The following CCDC171 variants were observed in gnomAD, a reference collection of about 807,000 sequenced individuals.
CCDC171 encodes the protein coiled-coil domain containing 171.
A neutral mutation model predicts 168.2 loss-of-function variants in CCDC171; 177 were observed. The ratio of observed to expected loss-of-function variants is 1.05; its 90% CI spans 0.93 to 1.19. CCDC171 has a LOEUF of 1.19. Among genes scored for constraint, CCDC171 ranks in the 50% most tolerant of loss-of-function variants. CCDC171 has a pLI of 0.00. For synonymous variants in CCDC171, 687 were observed against 540.8 expected (o/e 1.27, Z -3.75); for missense variants, 1,991 against 1,539.0 (o/e 1.29, Z -4.91).
At chr9:15,671,818 T>C (rs2049134906) in intron 9 of CCDC171, among the ~76,000 whole-genome samples, 1 of 152,224 alleles carries the variant, frequency 6.6e-6, no homozygotes, top group Non-Finnish European at 1.5e-5. Context: ...AACATACATG[T>C]GCATGTGTCT....
intron 23 of CCDC171, among the ~76,000 whole-genome samples, chr9:15,870,124 A>G (rs1412868217): frequency 1.6e-5 from 1 of 63,260 alleles, no homozygotes; most frequent in Non-Finnish European, 5.0e-5. Flanking sequence ...TTTATTTATA[A>G]TAGACAGTGG....
intron 3 of CCDC171, among the ~76,000 whole-genome samples, chr9:16,003,885 A>G (rs944015041): frequency 7.2e-5 from 11 of 152,230 alleles, no homozygotes; most frequent in Admixed American, 2.0e-4. Flanking sequence ...CTGTGGAGCC[A>G]GGTCCTGTGG....
At position 15,581,945 on chromosome 9, in the gene CCDC171, CT is replaced by C. The variant is rs2041156124; in HGVS notation, c.352+2923del. ...AATAGACAAATGGGATCTAATTAAA[CT>C]AAAGAGCTTCTGCACAGCAAAAGAA... On this transcript the variant is annotated intron_variant, in intron 4 of 25. Transcript: ENST00000380701. Among the ~76,000 whole-genome samples the C allele has an allele frequency of 2.0e-5, 3 of 152,270 alleles. No homozygotes were observed. The South Asian group carries it at 6.2e-4, about 32-fold the overall frequency.
chr9:16,039,469 T>C (rs564341494), upstream of CCDC171, among the ~76,000 whole-genome samples: 25 of 152,334 alleles, frequency 1.6e-4, no homozygotes, highest in African/African-American at 6.0e-4. Context: ...GTAGGCTAAA[T>C]GGCTGTCACA....
chr9:16,036,746 A>C (rs532651414), intron 8 of CCDC171, among the ~76,000 whole-genome samples: 13 of 152,376 alleles, frequency 8.5e-5, no homozygotes, highest in African/African-American at 2.9e-4. Flanking sequence ...CCAATGCCTT[A>C]CTTGGGTTTG....
At chr9:15,640,716 G>A (rs2046542038) in intron 7 of CCDC171, among the ~76,000 whole-genome samples, 1 of 152,088 alleles carries the variant, frequency 6.6e-6, no homozygotes, top group South Asian at 2.1e-4. Flanking sequence ...ATGATAAATA[G>A]TAAAGGGCTT....
chr9:15,782,493 A>G (rs1055672054), intron 20 of CCDC171, among the ~76,000 whole-genome samples: 23 of 152,200 alleles, frequency 1.5e-4, no homozygotes, highest in Non-Finnish European at 1.0e-4. Context: ...GGTAAAGGGG[A>G]AATTTTGGAG....
intron 24 of CCDC171, among the ~76,000 whole-genome samples, chr9:15,880,187 C>G (rs963598301): frequency 1.3e-5 from 2 of 152,096 alleles, no homozygotes; most frequent in African/African-American, 4.8e-5. Context: ...CTTTCTAAGT[C>G]CATGACTGTG....
intron 6 of CCDC171, among the ~76,000 whole-genome samples, chr9:15,617,811 G>T (rs1398707976): frequency 6.6e-6 from 1 of 152,192 alleles, no homozygotes; most frequent in African/African-American, 2.4e-5. Context: ...TGTAGGCCCT[G>T]TTTGCCTGGG....
In CCDC171 at chr9:15,948,197, T is replaced by G. The variant is rs1481746761; in HGVS notation, c.3754-23412T>G. On this transcript the variant is annotated intron_variant, in intron 25 of 25. Coordinates refer to ENST00000380701, the MANE Select transcript of CCDC171 (RefSeq NM_173550.4). ...TGCATAGTATTCCATGGTGCATATG[T>G]GCCACATTTTCTTAATCCAGTCTAT... 2.6e-5 allele frequency among the ~76,000 whole-genome samples: 4 copies of G among 151,384 alleles called. No homozygotes were observed. The Admixed American group carries it at 2.6e-4, about 10-fold the overall frequency.
chr9:16,084,001 C>A, the CCDC171 span, among the ~76,000 whole-genome samples: 20 of 152,190 alleles, frequency 1.3e-4, no homozygotes, highest in Admixed American at 8.5e-4. Context: ...ACTAAAGACA[C>A]TGAAACATGG....
At chr9:15,838,643 G>A (rs1250528397) in intron 21 of CCDC171, among the ~76,000 whole-genome samples, 1 of 152,266 alleles carries the variant, frequency 6.6e-6, no homozygotes, top group East Asian at 1.9e-4. Context: ...TTTTGCCCAG[G>A]CTGGTCTTGA....
rs950323228 is a variant in CCDC171, at chr9:15,690,387, G to A, written c.1216-4848G>A. 2.6e-5 allele frequency among the ~76,000 whole-genome samples: 4 copies of A among 152,176 alleles called. No individual in the cohort carries two copies. In the East Asian group the frequency reaches 7.7e-4, roughly 29 times the overall value. On this transcript the variant is annotated intron_variant, in intron 10 of 25. Transcript: ENST00000380701. The stretch of plus-strand genomic sequence containing the variant: ...GGAGTTCAAAAATGGCTATCAGTAT[G>A]TATGAGAATTTAGTATATGATAATG...
intron 4 of CCDC171, 69 bp from the exon 5 acceptor site, chr9:15,591,297 C>T: frequency 1.1e-6 from 1 of 898,966 alleles, no homozygotes; most frequent in South Asian, 1.6e-5. Context: ...AACTCCAATG[C>T]CTAGGTTTTG....
chr9:15,592,754 G>A (rs73644682), intron 5 of CCDC171, among the ~76,000 whole-genome samples: 25 of 152,166 alleles, frequency 1.6e-4, no homozygotes, highest in African/African-American at 5.8e-4. Context: ...GATGGTGGCA[G>A]TATTTCTTCA....
At chr9:15,832,985 T>G (rs1443388128) in intron 21 of CCDC171, among the ~76,000 whole-genome samples, 4 of 11,176 alleles carry the variant, frequency 3.6e-4, no homozygotes, top group Non-Finnish European at 1.4e-3. Flanking sequence ...TATAATCTTT[T>G]TTTTTTTTTT....
chr9:15,877,777 T>C (rs2131288247), intron 24 of CCDC171, among the ~76,000 whole-genome samples: 1 of 152,294 alleles, frequency 6.6e-6, no homozygotes, highest in East Asian at 1.9e-4. Context: ...TTATACTTTA[T>C]AAAGATAATA....
chr9:15,555,350 A>G (rs552927014), intron 1 of CCDC171, among the ~76,000 whole-genome samples: 1 of 152,338 alleles, frequency 6.6e-6, no homozygotes, highest in South Asian at 2.1e-4. Context: ...TTACTGCTAC[A>G]GGATGGCCTG....
At chr9:15,731,757 A>G (rs2054165588) in intron 16 of CCDC171, among the ~76,000 whole-genome samples, 1 of 152,086 alleles carries the variant, frequency 6.6e-6, no homozygotes, top group Non-Finnish European at 1.5e-5. Context: ...GTGTGTTCAT[A>G]AGAAACTGTC....
Sources: allele counts gnomAD v4.1 joint callset (sites outside exome capture counted in the v4.1 genomes callset), GRCh38; gene constraint gnomAD v4.1.1; transcripts MANE v1.5; gene names NCBI Gene and HGNC (gene_info 2026-07-23, HGNC 2026-07-21).